The following FOXP1 variants were observed in gnomAD, a reference collection of about 807,000 sequenced individuals.
FOXP1 encodes the protein forkhead box P1, also known as forkhead box protein P1.
FOXP1 carries 15 observed loss-of-function variants against 98.2 expected under a neutral mutation model. That is an observed-to-expected ratio of 0.15 (90% confidence interval 0.10 to 0.24). The LOEUF is 0.24. Ranked by LOEUF, FOXP1 falls within the 10% of genes least tolerant of loss-of-function variation. The pLI is 1.00. For synonymous variants in FOXP1, 371 were observed against 314.5 expected, an observed-to-expected ratio of 1.18 and a Z score of -1.90; for missense variants, 633 against 848.5, an observed-to-expected ratio of 0.75 and a Z score of 3.15.
At chr3:71,051,955 C>T (rs2049953399) in intron 9 of FOXP1, among the ~76,000 whole-genome samples, 2 of 152,196 alleles carry the variant, frequency 1.3e-5, no homozygotes, top group African/African-American at 4.8e-5. Context: ...CCCAAGAAAA[C>T]ACAACCCAAG....
intron 7 of FOXP1, among the ~76,000 whole-genome samples, chr3:71,093,331 T>C (rs896933663): frequency 6.7e-6 from 1 of 149,558 alleles, no homozygotes; most frequent in Non-Finnish European, 1.5e-5. Flanking sequence ...GTCCAATAGA[T>C]CTTTTCACAA....
At chr3:71,450,757 G>A (rs2086873628) in intron 3 of FOXP1, among the ~76,000 whole-genome samples, 2 of 151,894 alleles carry the variant, frequency 1.3e-5, no homozygotes, top group South Asian at 4.2e-4. Flanking sequence ...ATTTAAAGAG[G>A]GAAGAATAAA....
intron 18 of FOXP1, chr3:70,971,050 G>C (rs923098034): frequency 1.8e-5 from 9 of 488,158 alleles, no homozygotes; most frequent in Admixed American, 1.6e-4. Context: ...GTAGTAACAG[G>C]CTTGGGTCCT....
chr3:71,194,261 C>CAAAA (rs11445848), intron 6 of FOXP1, among the ~76,000 whole-genome samples: 6 of 113,724 alleles, frequency 5.3e-5, no homozygotes, highest in Non-Finnish European at 8.1e-5. Context: ...CAGGTGGTAC[C>CAAAA]AAAAAAAAAA....
chr3:71,257,140 T>G (rs1413639500), intron 5 of FOXP1, among the ~76,000 whole-genome samples: 5 of 152,180 alleles, frequency 3.3e-5, no homozygotes, highest in African/African-American at 1.2e-4. Flanking sequence ...CACAATATTG[T>G]GATATAGTGC....
chr3:71,488,252 C>T (rs1001959546), intron 3 of FOXP1, among the ~76,000 whole-genome samples: 1 of 152,160 alleles, frequency 6.6e-6, no homozygotes, highest in African/African-American at 2.4e-5. Flanking sequence ...TAAATGCAAT[C>T]TTCTAATTGG....
chr3:71,471,739 A>C (rs57205040), intron 3 of FOXP1, among the ~76,000 whole-genome samples: 53,798 of 152,056 alleles, frequency 0.35, 10,298 homozygotes, highest in Non-Finnish European at 0.43. Context: ...ATGTTTTGTT[A>C]CTGTGTCACT....
intron 3 of FOXP1, among the ~76,000 whole-genome samples, chr3:71,423,897 C>T (rs989615412): frequency 2.0e-5 from 3 of 152,154 alleles, no homozygotes; most frequent in African/African-American, 7.2e-5. Context: ...TAAATATACC[C>T]GCAAGTCCAT....
intron 12 of FOXP1, among the ~76,000 whole-genome samples, chr3:71,014,483 C>T (rs956032879): frequency 9.2e-5 from 14 of 152,092 alleles, no homozygotes; most frequent in South Asian, 4.2e-4. Flanking sequence ...ATTAAAAAGT[C>T]GGGAAACAAC....
chr3:71,131,888 GA>G (rs1559997113), intron 6 of FOXP1, among the ~76,000 whole-genome samples: 1 of 152,140 alleles, frequency 6.6e-6, no homozygotes, highest in Non-Finnish European at 1.5e-5. Context: ...TAGGCTGGGG[GA>G]AAAAATGGGA....
chr3:71,244,401 GCA>G (rs1399007828), intron 5 of FOXP1, among the ~76,000 whole-genome samples: 1 of 150,634 alleles, frequency 6.6e-6, no homozygotes, highest in Middle Eastern at 3.2e-3. Flanking sequence ...TCCCCCCGAA[GCA>G]CAGAGTTGAG....
chr3:71,324,118 TGAG>T (rs1277255804), intron 4 of FOXP1, among the ~76,000 whole-genome samples: 4 of 152,076 alleles, frequency 2.6e-5, no homozygotes, highest in Admixed American at 1.3e-4. Flanking sequence ...TCTATGTTCC[TGAG>T]ATTATATTAT....
At chr3:71,069,825 A>AT (rs2053000491) in intron 7 of FOXP1, among the ~76,000 whole-genome samples, 1 of 152,228 alleles carries the variant, frequency 6.6e-6, no homozygotes, top group Admixed American at 6.5e-5. Context: ...ACTTATGTAG[A>AT]AATCGCTGAA....
At chr3:71,499,415 C>T (rs559872756) in intron 2 of FOXP1, among the ~76,000 whole-genome samples, 26 of 152,354 alleles carry the variant, frequency 1.7e-4, no homozygotes, top group Admixed American at 1.4e-3. Context: ...ACATAATATA[C>T]GTATGTATAT....
At chr3:71,527,136 G>A (rs1426509111) in intron 2 of FOXP1, among the ~76,000 whole-genome samples, 2 of 152,094 alleles carry the variant, frequency 1.3e-5, no homozygotes, top group African/African-American at 4.8e-5. Context: ...CAAGGTATCA[G>A]CTCCTACTTG....
intron 5 of FOXP1, among the ~76,000 whole-genome samples, chr3:71,287,971 C>T (rs1031204337): frequency 7.2e-5 from 11 of 151,930 alleles, no homozygotes; most frequent in African/African-American, 2.7e-4. Flanking sequence ...ACCTCTGCCT[C>T]CCGGGTTCAA....
At chr3:71,282,926 C>T (rs891313449) in intron 5 of FOXP1, among the ~76,000 whole-genome samples, 2 of 152,174 alleles carry the variant, frequency 1.3e-5, no homozygotes, top group Non-Finnish European at 2.9e-5. Flanking sequence ...ATCATGTCGG[C>T]ACCTGAGATA....
chr3:71,380,394 A>C (rs2080052158), intron 3 of FOXP1, among the ~76,000 whole-genome samples: 1 of 152,230 alleles, frequency 6.6e-6, no homozygotes, highest in Admixed American at 6.5e-5. Context: ...ACGTTGTGTA[A>C]GTCAGGTAAA....
At chr3:71,266,949 A>G (rs549314471) in intron 5 of FOXP1, among the ~76,000 whole-genome samples, 1 of 152,210 alleles carries the variant, frequency 6.6e-6, no homozygotes, top group Admixed American at 6.5e-5. Flanking sequence ...CTCTCTCCAA[A>G]TCAGATTTAA....
Sources: allele counts gnomAD v4.1 joint callset (sites outside exome capture counted in the v4.1 genomes callset), GRCh38; gene constraint gnomAD v4.1.1; transcripts MANE v1.5; gene names NCBI Gene and HGNC (gene_info 2026-07-23, HGNC 2026-07-21).